Variants in SDCCAG8 observed in about 807,000 individuals in gnomAD.
SDCCAG8 encodes the protein SHH signaling and ciliogenesis regulator SDCCAG8.
In SDCCAG8, 74 loss-of-function variants were observed where a neutral mutation model predicts 101.8. The ratio of observed to expected loss-of-function variants is 0.73; its 90% confidence interval spans 0.60 to 0.88. The LOEUF (loss-of-function observed/expected upper bound fraction) is 0.88. Among genes scored for constraint, SDCCAG8 ranks in the 40% least tolerant of loss-of-function variants. The pLI, the probability that SDCCAG8 is intolerant of heterozygous loss-of-function variation, is 0.00. For synonymous variants in SDCCAG8, 281 were observed against 292.9 expected (o/e 0.96, Z 0.41); for missense variants, 787 against 822.6 (o/e 0.96, Z 0.53).
At chr1:243,465,567 A>G (rs1659959843) in intron 16 of SDCCAG8, among the ~76,000 whole-genome samples, 1 of 152,228 alleles carries the variant, frequency 6.6e-6, no homozygotes. Flanking sequence ...CCTTTGAGAA[A>G]AAAGAATTTT....
At position 243,474,126 on chromosome 1, in the gene SDCCAG8, T is replaced by TG. The variant is rs886540513; in HGVS notation, c.1986-14886dup. On this transcript the variant is annotated intron_variant, in intron 16 of 17. Transcript: ENST00000366541. The surrounding 1 kb of genome is among the most constrained non-coding windows in gnomAD (Gnocchi z 4.7). ...TGATCACTGACAAACAATGATTCATTGGTTTACAAATAAGGAATTAAAAGG... is the reference window on the plus strand; with the variant it reads ...TGATCACTGACAAACAATGATTCATTGGGTTTACAAATAAGGAATTAAAAGG... Among the ~76,000 whole-genome samples the TG allele has an allele frequency of 2.4e-4, 36 of 152,254 alleles. No homozygotes were observed. The highest frequency in any genetic ancestry group is 1.4e-3 in the Admixed American group (22 of 15,292).
At chr1:243,339,759 A>G (rs565357984) in intron 10 of SDCCAG8, among the ~76,000 whole-genome samples, 2 of 152,168 alleles carry the variant, frequency 1.3e-5, no homozygotes, top group African/African-American at 4.8e-5. Flanking sequence ...CTTTGGTTCA[A>G]TGTTGATTTT....
chr1:243,435,801 A>T (rs1044859137), intron 16 of SDCCAG8, among the ~76,000 whole-genome samples: 1 of 151,678 alleles, frequency 6.6e-6, no homozygotes, highest in Non-Finnish European at 1.5e-5. Context: ...CCCCAAGTAA[A>T]ATTTCAAGAG....
At chr1:243,399,057 C>T (rs1436941669) in intron 13 of SDCCAG8, among the ~76,000 whole-genome samples, 2 of 152,264 alleles carry the variant, frequency 1.3e-5, no homozygotes, top group South Asian at 2.1e-4. Context: ...TATACACATA[C>T]GTGTGTGTGT....
At chr1:243,361,598 C>G (rs1558354838) in intron 12 of SDCCAG8, among the ~76,000 whole-genome samples, 1 of 152,198 alleles carries the variant, frequency 6.6e-6, no homozygotes, top group Non-Finnish European at 1.5e-5. Flanking sequence ...TCTCATCCAC[C>G]CTTCCCCTGT....
chr1:243,477,946 C>G (rs147834813), intron 16 of SDCCAG8, among the ~76,000 whole-genome samples: 1 of 152,344 alleles, frequency 6.6e-6, no homozygotes, highest in East Asian at 1.9e-4. Context: ...ATTTTCAAAA[C>G]AATCAAACAC....
chr1:243,474,731 G>T lies in SDCCAG8; in HGVS notation c.1986-14283G>T, dbSNP rs1662039767. On this transcript the variant is annotated intron_variant, in intron 16 of 17. Transcript: ENST00000366541. The surrounding 1 kb of genome is among the most constrained non-coding windows in gnomAD (Gnocchi z 4.7). ...TGGAAGGCAGGCTGGGAGCTCCCGG[G>T]ACGCGGCGTGGCAGCGCAGGGCTCG... Among the ~76,000 whole-genome samples, 2 of 152,244 alleles carry T rather than the reference G, an allele frequency of 1.3e-5. No homozygotes were observed. The highest frequency in any genetic ancestry group is 1.3e-4 in the Admixed American group (2 of 15,292).
chr1:243,330,594 C>A lies in SDCCAG8; in HGVS notation c.1123C>A (p.Leu375Ile), dbSNP rs745634199. Residue 375 changes from leucine (L) to isoleucine (I), a missense_variant, in exon 10 of 18, where the codon CTT (leucine) becomes ATT (isoleucine). Coordinates refer to ENST00000366541, the MANE Select transcript of SDCCAG8 (RefSeq NM_006642.5). The stretch of plus-strand genomic sequence containing the variant: ...GGAGCTGGAGAGGCAGGCGGAGCGA[C>A]TTGAAAAAGAACTTGCATCTCAGCA... Reference protein sequence around the residue: ...RKELERQAERLEKELASQQEK... With the variant: ...RKELERQAERIEKELASQQEK... 115 of 1,613,696 alleles carry A rather than the reference C, an allele frequency of 7.1e-5. No homozygotes were observed. Among genetic ancestry groups the A allele is most frequent in the Non-Finnish European group, 9.6e-5 (113 of 1,179,964 alleles).
chr1:243,455,510 C>G (rs2083677136), intron 16 of SDCCAG8, among the ~76,000 whole-genome samples: 1 of 152,204 alleles, frequency 6.6e-6, no homozygotes, highest in African/African-American at 2.4e-5. Context: ...CCCAAGTGAT[C>G]TGCCTGCCTT....
At chr1:243,454,525 C>A (rs577063675) in intron 16 of SDCCAG8, among the ~76,000 whole-genome samples, 1 of 152,124 alleles carries the variant, frequency 6.6e-6, no homozygotes, top group Non-Finnish European at 1.5e-5. Context: ...TCACTGTACC[C>A]GTTTGGGCAT....
At chr1:243,385,254 G>A (rs918148900) in intron 13 of SDCCAG8, among the ~76,000 whole-genome samples, 6 of 152,046 alleles carry the variant, frequency 3.9e-5, no homozygotes, top group Admixed American at 3.9e-4. Flanking sequence ...GCTGGGCATG[G>A]TGGTGCGCGC....
chr1:243,307,510 GT>G, intron 7 of SDCCAG8: 3 of 984,192 alleles, frequency 3.0e-6, no homozygotes, highest in Non-Finnish European at 3.6e-6. Flanking sequence ...AAAAATCCAT[GT>G]TTTTTTATGT....
At chr1:243,489,996 C>T (rs1163760630) in intron 17 of SDCCAG8, among the ~76,000 whole-genome samples, 1 of 152,224 alleles carries the variant, frequency 6.6e-6, no homozygotes, top group South Asian at 2.1e-4. Flanking sequence ...GGTCCGTGGG[C>T]TGACCAAGGC....
At chr1:243,308,354 T>C (rs1381580216) in intron 8 of SDCCAG8, among the ~76,000 whole-genome samples, 177 bp downstream of exon 8, 4 of 152,258 alleles carry the variant, frequency 2.6e-5, no homozygotes, top group Non-Finnish European at 5.9e-5. Context: ...ATGGGTGGGT[T>C]CTGCCATGTC....
intron 4 of SDCCAG8, among the ~76,000 whole-genome samples, chr1:243,279,121 T>C (rs2068814861): frequency 6.6e-6 from 1 of 152,206 alleles, no homozygotes; most frequent in South Asian, 2.1e-4. Flanking sequence ...TCTTATTGCA[T>C]TAGCTAAGAC....
intron 12 of SDCCAG8, among the ~76,000 whole-genome samples, chr1:243,349,161 G>C (rs2075940316): frequency 1.3e-5 from 2 of 152,152 alleles, no homozygotes; most frequent in South Asian, 4.1e-4. Context: ...TAACCAGGGG[G>C]ATGGGCAAAT....
chr1:243,386,685 G>A (rs1419532560), intron 13 of SDCCAG8, among the ~76,000 whole-genome samples: 2 of 152,048 alleles, frequency 1.3e-5, no homozygotes, highest in Non-Finnish European at 2.9e-5. Flanking sequence ...CCCGGGAAGT[G>A]GAGGTTACAG....
At chr1:243,329,531 G>C (rs1458003117) in intron 9 of SDCCAG8, among the ~76,000 whole-genome samples, 1 of 152,162 alleles carries the variant, frequency 6.6e-6, no homozygotes, top group East Asian at 1.9e-4. Context: ...CAGCATGTAA[G>C]TCACATGAGA....
chr1:243,445,185 C>T (rs982078369), intron 16 of SDCCAG8, among the ~76,000 whole-genome samples: 2 of 152,004 alleles, frequency 1.3e-5, no homozygotes, highest in Non-Finnish European at 2.9e-5. Context: ...TTATATGACC[C>T]GAGTTATGTA....
Sources: allele counts gnomAD v4.1 joint callset (sites outside exome capture counted in the v4.1 genomes callset), GRCh38; gene constraint gnomAD v4.1.1; non-coding constraint Gnocchi (gnomAD v3.1); transcripts MANE v1.5; gene names NCBI Gene and HGNC (gene_info 2026-07-23, HGNC 2026-07-21).